The following PRKCH variants were observed in gnomAD, a reference collection of about 807,000 sequenced individuals.
PRKCH encodes protein kinase C eta type.
A neutral mutation model predicts 82.5 loss-of-function variants in PRKCH; 28 were observed. The observed-to-expected ratio is 0.34, with a 90% CI of 0.25 to 0.47. The LOEUF (loss-of-function observed/expected upper bound fraction) is 0.47. Among genes scored for constraint, PRKCH ranks in the 20% least tolerant of loss-of-function variants. The pLI is 1.00. For synonymous variants in PRKCH, 322 were observed against 327.4 expected (o/e 0.98, Z 0.18); for missense variants, 705 against 881.8 (o/e 0.80, Z 2.54).
At chr14:61,312,617 A>G (rs1463429014) in intron 1 of PRKCH, among the ~76,000 whole-genome samples, 2 of 152,180 alleles carry the variant, frequency 1.3e-5, no homozygotes, top group Non-Finnish European at 1.5e-5. Flanking sequence ...AGGCCTCTCA[A>G]TCATGGCAGA....
chr14:61,292,672 G>A (rs2045373849), intron 1 of PRKCH, among the ~76,000 whole-genome samples: 1 of 151,122 alleles, frequency 6.6e-6, no homozygotes, highest in South Asian at 2.1e-4. Context: ...TCAGGAGGCT[G>A]AGGCAGGAGA....
chr14:61,188,593 GGGGT>G lies in PRKCH; in HGVS notation c.-19+929_-19+932del, dbSNP rs199715688. On this transcript the variant is annotated intron_variant, in intron 1 of 3. Coordinates refer to the PRKCH transcript ENST00000555185. ...TGCTGTAGTGTGTGTGTGTGTCGGG[GGGGT>G]GGGGGGGTGGTGTGGTGTGTGTGTG... 4.0e-3 allele frequency among the ~76,000 whole-genome samples: 288 copies of G among 71,684 alleles called. 39 individuals carry two copies. Among genetic ancestry groups the G allele is most frequent in the African/African-American group, 0.015 (264 of 17,108 alleles). 47.0% of individuals were successfully genotyped at this position (71,684 alleles called of 152,430 possible). A position where few individuals can be genotyped will look rare whatever the true frequency, so the allele number is the denominator to read the frequency against.
At chr14:61,193,215 G>A (rs1024745442) in intron 1 of PRKCH, among the ~76,000 whole-genome samples, 1 of 152,218 alleles carries the variant, frequency 6.6e-6, no homozygotes, top group Non-Finnish European at 1.5e-5. Context: ...TTTCCCAAAG[G>A]AAGATAAATG....
intron 11 of PRKCH, among the ~76,000 whole-genome samples, chr14:61,529,663 C>A (rs1377218245): frequency 2.7e-5 from 4 of 146,710 alleles, no homozygotes; most frequent in Non-Finnish European, 6.0e-5. Context: ...GAACAAAAAA[C>A]CAAACACCGC....
intron 9 of PRKCH, among the ~76,000 whole-genome samples, chr14:61,483,420 T>C (rs1318888019): frequency 6.6e-6 from 1 of 152,250 alleles, no homozygotes; most frequent in African/African-American, 2.4e-5. Context: ...CCTGTTGGCT[T>C]ACATTGGCCA....
chr14:61,492,869 C>T (rs1594760041), intron 10 of PRKCH, among the ~76,000 whole-genome samples: 1 of 152,296 alleles, frequency 6.6e-6, no homozygotes, highest in Non-Finnish European at 1.5e-5. Context: ...TTCAGGCAAA[C>T]TTCCTGGAGG....
intron 1 of PRKCH, among the ~76,000 whole-genome samples, chr14:61,226,267 G>A (rs957019010): frequency 6.6e-6 from 1 of 152,146 alleles, no homozygotes; most frequent in Non-Finnish European, 1.5e-5. Context: ...TGTTCTAAGT[G>A]TCAGCACTAC....
At chr14:61,281,170 C>T in intron 1 of PRKCH, 1 of 1,293,098 alleles carries the variant, frequency 7.7e-7, no homozygotes, top group Non-Finnish European at 9.8e-7. Context: ...GGGACCGACG[C>T]GCGGGCTGAC....
chr14:61,423,584 A>C (rs1261544749), intron 2 of PRKCH, among the ~76,000 whole-genome samples: 1 of 152,130 alleles, frequency 6.6e-6, no homozygotes, highest in East Asian at 1.9e-4. Flanking sequence ...TCCAAGTGGG[A>C]GGAGTGACAT....
chr14:61,204,447 G>A (rs895846274), intron 1 of PRKCH, among the ~76,000 whole-genome samples: 5 of 152,066 alleles, frequency 3.3e-5, no homozygotes, highest in African/African-American at 1.2e-4. Context: ...AGCAGGAAGT[G>A]TATAAGGGAT....
intron 1 of PRKCH, among the ~76,000 whole-genome samples, chr14:61,266,442 CATAA>C (rs1255629326): frequency 6.9e-6 from 1 of 144,924 alleles, no homozygotes; most frequent in Non-Finnish European, 1.5e-5. Context: ...TAAATAAATA[CATAA>C]ATAAAAATTA....
chr14:61,362,053 C>G (rs1231579254), intron 1 of PRKCH, among the ~76,000 whole-genome samples: 4 of 152,146 alleles, frequency 2.6e-5, no homozygotes, highest in African/African-American at 7.2e-5. Context: ...TAAAAGGAAA[C>G]AAGCTGAGTG....
At chr14:61,267,485 C>T (rs1362484156) in intron 1 of PRKCH, among the ~76,000 whole-genome samples, 1 of 152,168 alleles carries the variant, frequency 6.6e-6, no homozygotes, top group Non-Finnish European at 1.5e-5. Flanking sequence ...CTCTGAGCCC[C>T]TCAGCTACCC....
chr14:61,420,023 G>GTGGCCC (rs1882753170), intron 2 of PRKCH, among the ~76,000 whole-genome samples: 1 of 152,156 alleles, frequency 6.6e-6, no homozygotes, highest in South Asian at 2.1e-4. Flanking sequence ...GTGGGATTCA[G>GTGGCCC]TGGCCCTGGC....
rs1162331604 is a variant in PRKCH at position 61,272,344 on chromosome 14, C to CTTTTTTTTT, written c.-19+84695_-19+84703dup. 1.5e-3 allele frequency among the ~76,000 whole-genome samples: 35 copies of CTTTTTTTTT among 23,596 alleles called. 1 individual carries two copies. The highest frequency in any genetic ancestry group is 2.7e-3 in the African/African-American group (21 of 7,844). The allele number at this position is 23,596 out of a possible 152,430, so 15.5% of individuals were successfully genotyped here. A position where few individuals can be genotyped will look rare whatever the true frequency, so the allele number is the denominator to read the frequency against. ...TTTCTTTTTCTTTTCTTTTTTCTTT[C>CTTTTTTTTT]TTTTTTTTTTTTTTTTTTTTTTTTT... On this transcript the variant is annotated intron_variant, in intron 1 of 3. Transcript: ENST00000555185.
At chr14:61,399,862 G>A (rs1364934006) in intron 2 of PRKCH, among the ~76,000 whole-genome samples, 1 of 152,038 alleles carries the variant, frequency 6.6e-6, no homozygotes, top group Non-Finnish European at 1.5e-5. Flanking sequence ...CCCTGACAAA[G>A]AACCTGTTAT....
intron 1 of PRKCH, among the ~76,000 whole-genome samples, chr14:61,203,326 T>G (rs542353241): frequency 3.4e-4 from 51 of 151,826 alleles, no homozygotes; most frequent in African/African-American, 1.1e-3. Flanking sequence ...AGGGAAGGGG[T>G]GGGGGACGTT....
intron 1 of PRKCH, among the ~76,000 whole-genome samples, chr14:61,364,814 C>T (rs776224797): frequency 2.3e-4 from 35 of 151,778 alleles, no homozygotes; most frequent in Non-Finnish European, 4.4e-4. Context: ...CGCTCCAGCT[C>T]GGGCAACAGG....
upstream of PRKCH, among the ~76,000 whole-genome samples, chr14:61,317,095 G>T (rs1232011717): frequency 6.6e-6 from 1 of 152,194 alleles, no homozygotes; most frequent in East Asian, 1.9e-4. Context: ...TGGGCGGCAG[G>T]CTGAGAGCCA....
Sources: allele counts gnomAD v4.1 joint callset (sites outside exome capture counted in the v4.1 genomes callset), GRCh38; gene constraint gnomAD v4.1.1; transcripts MANE v1.5; gene names NCBI Gene and HGNC (gene_info 2026-07-23, HGNC 2026-07-21).